The following CHST8 variants were observed in gnomAD, a reference collection of about 807,000 sequenced individuals.
CHST8 encodes GALNAC-4-ST1.
A neutral mutation model predicts 15.0 loss-of-function variants in CHST8; 10 were observed. The observed-to-expected ratio is 0.67, with a 90% confidence interval of 0.41 to 1.13. The LOEUF is 1.13. Among genes scored for constraint, CHST8 ranks in the 50% most tolerant of loss-of-function variants. The pLI is 0.00. For missense variants in CHST8, 634 were observed against 608.2 expected (o/e 1.04, Z -0.45); for synonymous variants, 259 against 256.6 (o/e 1.01, Z -0.09).
chr19:33,752,214 G>T (rs371206490), intron 3 of CHST8, among the ~76,000 whole-genome samples: 1 of 152,170 alleles, frequency 6.6e-6, no homozygotes, highest in Non-Finnish European at 1.5e-5. Context: ...CAACCTGCCC[G>T]CCGCCTAGGG....
At chr19:33,767,385 C>T (rs188231936) in intron 3 of CHST8, among the ~76,000 whole-genome samples, 19 of 152,368 alleles carry the variant, frequency 1.2e-4, no homozygotes, top group Admixed American at 1.2e-3. Flanking sequence ...CTGGTATAGC[C>T]TCCTCCCCAA....
At chr19:33,756,878 G>A (rs1974557103) in intron 3 of CHST8, among the ~76,000 whole-genome samples, 1 of 152,166 alleles carries the variant, frequency 6.6e-6, no homozygotes, top group South Asian at 2.1e-4. Flanking sequence ...GCACCCCAGG[G>A]CTCTGGAGGC....
At chr19:33,652,628 A>C (rs1002558067) in intron 1 of CHST8, among the ~76,000 whole-genome samples, 1 of 151,890 alleles carries the variant, frequency 6.6e-6, no homozygotes, top group African/African-American at 2.4e-5. Context: ...CGCCCACCTC[A>C]GCTTCCCAAA....
At chr19:33,641,107 G>C (rs953932076) in intron 1 of CHST8, among the ~76,000 whole-genome samples, 1 of 152,172 alleles carries the variant, frequency 6.6e-6, no homozygotes. Flanking sequence ...CACTGCTGTC[G>C]GCTTCTCTCT....
intron 1 of CHST8, among the ~76,000 whole-genome samples, chr19:33,635,768 G>A (rs1972187500): frequency 6.6e-6 from 1 of 152,164 alleles, no homozygotes; most frequent in African/African-American, 2.4e-5. Context: ...GGAGAGCTAT[G>A]GAAGGCTTCT....
intron 3 of CHST8, among the ~76,000 whole-genome samples, chr19:33,695,437 TG>T (rs1452016473): frequency 6.6e-6 from 1 of 152,218 alleles, no homozygotes; most frequent in African/African-American, 2.4e-5. Context: ...TCAATAGTTT[TG>T]GGGGTATAGG....
chr19:33,744,417 T>C (rs1437628999), intron 3 of CHST8: 1 of 152,144 alleles, frequency 6.6e-6, no homozygotes, highest in Non-Finnish European at 1.5e-5. Flanking sequence ...CCCAGAAGAT[T>C]AGAGGAAATC....
At chr19:33,650,518 C>CTTTTTTTTTTTTTTTTTTT (rs869057036) in intron 1 of CHST8, among the ~76,000 whole-genome samples, 7 of 36,076 alleles carry the variant, frequency 1.9e-4, no homozygotes, top group East Asian at 9.5e-4. Flanking sequence ...TTTTTCTTTT[C>CTTTTTTTTTTTTTTTTTTT]TTTTTTTTTT....
intron 3 of CHST8, among the ~76,000 whole-genome samples, chr19:33,761,950 A>G (rs1433510730): frequency 6.6e-6 from 1 of 152,172 alleles, no homozygotes; most frequent in African/African-American, 2.4e-5. Flanking sequence ...CCACACAGGG[A>G]TGTGCACACA....
chr19:33,641,097 C>G (rs1008120284), intron 1 of CHST8, among the ~76,000 whole-genome samples: 3 of 152,214 alleles, frequency 2.0e-5, no homozygotes, highest in South Asian at 2.1e-4. Context: ...AGCTGAGAGG[C>G]ACTGCTGTCG....
chr19:33,728,946 T>C (rs1277864531), intron 3 of CHST8, among the ~76,000 whole-genome samples: 1 of 152,190 alleles, frequency 6.6e-6, no homozygotes, highest in Non-Finnish European at 1.5e-5. Context: ...CTGCCCTCTG[T>C]GGACCACATC....
intron 3 of CHST8, among the ~76,000 whole-genome samples, chr19:33,718,104 C>T (rs960276499): frequency 6.6e-6 from 1 of 152,216 alleles, no homozygotes; most frequent in Non-Finnish European, 1.5e-5. Context: ...CCCTGCTCCT[C>T]CTCCCAGCTT....
intron 3 of CHST8, among the ~76,000 whole-genome samples, chr19:33,765,816 C>T (rs4343400): frequency 0.21 from 31,204 of 151,972 alleles, 3,428 homozygotes; most frequent in Middle Eastern, 0.29. Flanking sequence ...CTGCCGTAGC[C>T]TCCAAAGTGC....
intron 1 of CHST8, among the ~76,000 whole-genome samples, chr19:33,630,300 G>A (rs562156419): frequency 8.5e-5 from 13 of 152,262 alleles, no homozygotes; most frequent in African/African-American, 1.7e-4. Context: ...TTGGCCAGGA[G>A]GAGCTCGGCA....
chr19:33,719,744 TA>T (rs1394063565), intron 3 of CHST8, among the ~76,000 whole-genome samples: 1 of 86,420 alleles, frequency 1.2e-5, no homozygotes, highest in Non-Finnish European at 2.3e-5. Context: ...TACTGTGAGT[TA>T]CAAAAAAAAA....
At chr19:33,739,821 CAA>C (rs1568349997) in intron 3 of CHST8, among the ~76,000 whole-genome samples, 1 of 152,116 alleles carries the variant, frequency 6.6e-6, no homozygotes, top group African/African-American at 2.4e-5. Flanking sequence ...GGGCATCTCT[CAA>C]AAAGAGATGG....
At chr19:33,770,517 G>A (rs1326723059) in intron 3 of CHST8, among the ~76,000 whole-genome samples, 1 of 152,194 alleles carries the variant, frequency 6.6e-6, no homozygotes, top group Non-Finnish European at 1.5e-5. Flanking sequence ...GAATCTCCTT[G>A]TCCTCCTGCG....
At position 33,657,174 on chromosome 19, in the gene CHST8, T is replaced by A. The variant is rs1568317147; in HGVS notation, c.-163-10593T>A. 3.4e-5 allele frequency among the ~76,000 whole-genome samples: 5 copies of A among 145,328 alleles called. No homozygotes were observed. In the South Asian group the frequency reaches 1.1e-3, roughly 32 times the overall value. On this transcript the variant is annotated intron_variant, in intron 1 of 4. Coordinates refer to ENST00000650847, the MANE Select transcript of CHST8 (RefSeq NM_001127895.2). Reference sequence around the variant, plus strand: ...ACACACACAAACACACATATACTTATACACACATACACATACACACATACA... The same window carrying A: ...ACACACACAAACACACATATACTTAAACACACATACACATACACACATACA...
In CHST8 at chr19:33,661,059, G is replaced by A. The variant is rs74712215; in HGVS notation, c.-163-6708G>A. On this transcript the variant is annotated intron_variant, in intron 1 of 4. Coordinates refer to ENST00000650847, the MANE Select transcript of CHST8 (RefSeq NM_001127895.2). ...ATGCCCCCTCTTGTCTGCGAGGCAC[G>A]GGGACTTGGTGCACTGACCGGCTTG... 7.8e-3 allele frequency among the ~76,000 whole-genome samples: 1,186 copies of A among 152,250 alleles called. 12 individuals are homozygous for A. Among genetic ancestry groups the A allele is most frequent in the African/African-American group, 0.027 (1,138 of 41,542 alleles).
Sources: gnomAD v4.1 joint callset for allele counts (sites outside exome capture counted in the v4.1 genomes callset) on GRCh38, gnomAD v4.1.1 for gene constraint, MANE v1.5 for transcripts, NCBI Gene and HGNC (gene_info 2026-07-23, HGNC 2026-07-21) for gene names.